Variants in RABGAP1L observed in about 807,000 individuals in gnomAD.
RABGAP1L encodes the protein rab GTPase-activating protein 1-like.
In RABGAP1L, 63 loss-of-function variants were observed where a neutral mutation model predicts 137.7. The ratio of observed to expected loss-of-function variants is 0.46; its 90% CI spans 0.37 to 0.56. RABGAP1L has a LOEUF of 0.56. Ranked by LOEUF, RABGAP1L falls within the 20% of genes least tolerant of loss-of-function variation. RABGAP1L has a pLI of 0.00. For missense variants in RABGAP1L, 1,095 were observed against 1,244.0 expected, an observed-to-expected ratio of 0.88 and a Z score of 1.80; for synonymous variants, 431 against 433.7, an observed-to-expected ratio of 0.99 and a Z score of 0.08.
At chr1:174,800,268 C>G in intron 18 of RABGAP1L, 1 of 1,483,786 alleles carries the variant, frequency 6.7e-7, no homozygotes, top group Non-Finnish European at 9.0e-7. Flanking sequence ...TCCCCTCCCA[C>G]CGCAGTTCTT....
chr1:174,449,342 T>C (rs1655167914), intron 13 of RABGAP1L: 2 of 693,444 alleles, frequency 2.9e-6, no homozygotes, highest in Non-Finnish European at 4.7e-6. Context: ...TCTCTCTTTT[T>C]TTTTCTTTTT....
chr1:174,792,403 T>C (rs1687924957), intron 18 of RABGAP1L, among the ~76,000 whole-genome samples: 1 of 152,144 alleles, frequency 6.6e-6, no homozygotes, highest in Non-Finnish European at 1.5e-5. Context: ...ATGATTAGCT[T>C]AGAGAAAAGA....
chr1:174,806,029 G>C (rs553610743), intron 18 of RABGAP1L, among the ~76,000 whole-genome samples: 4 of 152,326 alleles, frequency 2.6e-5, no homozygotes, highest in Admixed American at 2.6e-4. Flanking sequence ...TTGAAGAACA[G>C]CCTTTCCAGT....
chr1:174,313,492 A>G (rs1679060197), intron 11 of RABGAP1L, among the ~76,000 whole-genome samples: 1 of 152,176 alleles, frequency 6.6e-6, no homozygotes, highest in South Asian at 2.1e-4. Context: ...TAGGACTTGC[A>G]GTACTGTGTT....
At chr1:174,434,146 C>T (rs1311862279) in intron 13 of RABGAP1L, among the ~76,000 whole-genome samples, 1 of 150,858 alleles carries the variant, frequency 6.6e-6, no homozygotes. Flanking sequence ...CACACACACA[C>T]ACACACCCTG....
intron 19 of RABGAP1L, among the ~76,000 whole-genome samples, chr1:174,863,530 G>A (rs1275328615): frequency 1.3e-5 from 2 of 151,602 alleles, no homozygotes; most frequent in African/African-American, 4.9e-5. Context: ...AAAATTAGCC[G>A]GGCATGGTGG....
chr1:174,767,888 C>T (rs996029396), intron 18 of RABGAP1L, among the ~76,000 whole-genome samples: 5 of 152,098 alleles, frequency 3.3e-5, no homozygotes, highest in Non-Finnish European at 5.9e-5. Context: ...ACATCTCACG[C>T]GGCTGTGGCA....
At position 174,761,446 on chromosome 1, in the gene RABGAP1L, G is replaced by A. The variant is rs530696490; in HGVS notation, c.2211+9092G>A. ...CAGAGGCGCTCCTCAGTTTTCAGAC[G>A]GTGCAGCCGCCAGGCAGAGGTGCTC... is the stretch of plus-strand genomic sequence containing the variant. On this transcript the variant is annotated intron_variant, in intron 18 of 25. Coordinates refer to ENST00000681986, the MANE Select transcript of RABGAP1L (RefSeq NM_001366446.1). This position sits in a 1 kb window ranked among gnomAD's most constrained non-coding sequence, Gnocchi z 4.0. Among the ~76,000 whole-genome samples, 17 of 152,052 alleles carry A rather than the reference G, an allele frequency of 1.1e-4. No individual in the cohort carries two copies. Among genetic ancestry groups the A allele is most frequent in the Middle Eastern group, 3.4e-3 (1 of 292 alleles).
intron 13 of RABGAP1L, among the ~76,000 whole-genome samples, chr1:174,497,762 G>T (rs923434220): frequency 2.6e-5 from 4 of 152,134 alleles, no homozygotes; most frequent in Non-Finnish European, 4.4e-5. Context: ...CAGTGACCTT[G>T]TCATTTGAAC....
chr1:174,692,761 G>A (rs1356299657), intron 15 of RABGAP1L, among the ~76,000 whole-genome samples: 1 of 152,052 alleles, frequency 6.6e-6, no homozygotes, highest in Non-Finnish European at 1.5e-5. Flanking sequence ...TGTCTTTAAG[G>A]AAGGAAAGAT....
intron 15 of RABGAP1L, among the ~76,000 whole-genome samples, chr1:174,689,560 G>C (rs1032895261): frequency 5.9e-5 from 9 of 152,056 alleles, no homozygotes; most frequent in African/African-American, 2.2e-4. Context: ...AAAAAGTGGG[G>C]CAAAATGACT....
At chr1:174,167,312 A>G (rs985341816) in intron 1 of RABGAP1L, among the ~76,000 whole-genome samples, 2 of 152,260 alleles carry the variant, frequency 1.3e-5, no homozygotes, top group African/African-American at 4.8e-5. Context: ...GGTAAAAAGT[A>G]TAATGATGGT....
intron 14 of RABGAP1L, among the ~76,000 whole-genome samples, chr1:174,655,171 A>G (rs1317295407): frequency 6.6e-6 from 1 of 152,184 alleles, no homozygotes; most frequent in Non-Finnish European, 1.5e-5. Flanking sequence ...CATAATCATA[A>G]TGCAACATCC....
chr1:174,748,779 G>A (rs1174333585), intron 17 of RABGAP1L, among the ~76,000 whole-genome samples: 1 of 152,102 alleles, frequency 6.6e-6, no homozygotes, highest in Non-Finnish European at 1.5e-5. Flanking sequence ...GGAGGCTGAT[G>A]TGGAAAGATT....
chr1:174,682,340 A>ACG (rs1678138288), intron 14 of RABGAP1L, among the ~76,000 whole-genome samples: 1 of 151,686 alleles, frequency 6.6e-6, no homozygotes, highest in African/African-American at 2.4e-5. Context: ...ACACACACAC[A>ACG]TACATCACAA....
At chr1:174,989,289 T>C (rs950114361) in intron 25 of RABGAP1L, among the ~76,000 whole-genome samples, 1 of 152,208 alleles carries the variant, frequency 6.6e-6, no homozygotes, top group Non-Finnish European at 1.5e-5. Context: ...CCATTATCTT[T>C]CTCCATATTG....
At chr1:174,381,412 G>A (rs1339158375) in intron 12 of RABGAP1L, among the ~76,000 whole-genome samples, 1 of 132,908 alleles carries the variant, frequency 7.5e-6, no homozygotes, top group Non-Finnish European at 1.6e-5. Context: ...CATTATTAAT[G>A]TGTGGGAGTC....
At chr1:174,418,672 T>G (rs1437428903) in intron 13 of RABGAP1L, among the ~76,000 whole-genome samples, 2 of 152,306 alleles carry the variant, frequency 1.3e-5, no homozygotes, top group East Asian at 3.9e-4. Context: ...TAATGAGTCC[T>G]TAGTCTCATG....
chr1:174,892,088 C>T (rs1173213278), intron 19 of RABGAP1L, among the ~76,000 whole-genome samples: 3 of 152,220 alleles, frequency 2.0e-5, no homozygotes, highest in African/African-American at 4.8e-5. Flanking sequence ...GGAGCCTCTG[C>T]GACTACACCT....
Sources: gnomAD v4.1 joint callset for allele counts (sites outside exome capture counted in the v4.1 genomes callset) on GRCh38, gnomAD v4.1.1 for gene constraint, Gnocchi (gnomAD v3.1) non-coding constraint, MANE v1.5 for transcripts, NCBI Gene and HGNC (gene_info 2026-07-23, HGNC 2026-07-21) for gene names.